Variants in CACNG6 observed in about 807,000 individuals in gnomAD.
CACNG6 encodes the protein voltage-dependent calcium channel gamma-6 subunit.
In CACNG6, 21 loss-of-function variants were observed where a neutral mutation model predicts 23.9. The observed-to-expected ratio is 0.88, with a 90% CI of 0.62 to 1.26. CACNG6 has a LOEUF of 1.26. Ranked by LOEUF, CACNG6 falls within the 50% of genes most tolerant of loss-of-function variation. The pLI, the probability that CACNG6 is intolerant of heterozygous loss-of-function variation, is 0.00. For synonymous variants in CACNG6, 182 were observed against 168.9 expected (o/e 1.08, Z -0.60); for missense variants, 340 against 352.9 (o/e 0.96, Z 0.29).
In CACNG6 at chr19:54,012,257, CT is replaced by C. The variant is rs2069726942; in HGVS notation, c.*73del. 1.0e-5 allele frequency: 7 copies of C among 689,862 alleles called. No homozygotes were observed. Among genetic ancestry groups the C allele is most frequent in the Non-Finnish European group, 1.3e-5 (6 of 451,628 alleles). 42.7% of individuals were successfully genotyped at this position (689,862 alleles called of 1,614,324 possible). A position where few individuals can be genotyped will look rare whatever the true frequency, so the allele number is the denominator to read the frequency against. ...ACCTTCTCCATTGTACCCCCAAGAT[CT>C]TTTTGCCCCATCTCCTAGAGAAACT... is the stretch of plus-strand genomic sequence containing the variant. On this transcript the variant is annotated 3_prime_UTR_variant, in exon 4 of 4. Coordinates refer to ENST00000252729, the MANE Select transcript of CACNG6 (RefSeq NM_145814.2).
At chr19:53,998,768 C>A (rs1303594908) in intron 2 of CACNG6, among the ~76,000 whole-genome samples, 1 of 152,086 alleles carries the variant, frequency 6.6e-6, no homozygotes, top group Non-Finnish European at 1.5e-5. Context: ...TCCTCAGCCT[C>A]CCAAAGTGCT....
At chr19:53,998,042 G>C (rs1050690417) in intron 1 of CACNG6, among the ~76,000 whole-genome samples, 197 bp from the exon 2 acceptor site, 1 of 152,110 alleles carries the variant, frequency 6.6e-6, no homozygotes, top group African/African-American at 2.4e-5. Context: ...TCAGAGCCCC[G>C]GGTAGGAGTC....
chr19:54,008,692 G>A (rs1433739593), intron 3 of CACNG6, among the ~76,000 whole-genome samples: 10 of 152,206 alleles, frequency 6.6e-5, no homozygotes, highest in African/African-American at 1.2e-4. Context: ...CCGTTGCTTC[G>A]TTTTGAGCAT....
chr19:54,003,147 T>A (rs77370408), intron 3 of CACNG6, among the ~76,000 whole-genome samples: 3,766 of 152,202 alleles, frequency 0.025, 81 homozygotes, highest in East Asian at 0.096. Context: ...CTTTGAAACA[T>A]GTACTTCATA....
At chr19:54,004,682 A>T (rs1187655645) in intron 3 of CACNG6, among the ~76,000 whole-genome samples, 1 of 151,994 alleles carries the variant, frequency 6.6e-6, no homozygotes, top group Non-Finnish European at 1.5e-5. Context: ...TGCTCCGGCC[A>T]CGCCAGCCTC....
rs766617187 is a variant in CACNG6 at position 54,012,098 on chromosome 19, T to C, written c.692T>C (p.Leu231Pro). 6.3e-7 allele frequency: 1 copy of C among 1,578,428 alleles called. No individual in the cohort carries two copies. Among genetic ancestry groups the C allele is most frequent in the South Asian group, 1.2e-5 (1 of 86,816 alleles). The stretch of plus-strand genomic sequence containing the variant: ...TGCGGCGTGGGGGCCGGCCTGATCC[T>C]GCTGTTGGGGGCCGGCTGCTTTCTG... ...LGCGVGAGLI[L>P]LLGAGCFLLL... Residue 231 changes from leucine to proline, a missense_variant, in exon 4 of 4, where the codon CTG becomes CCG. Transcript: ENST00000252729.
chr19:54,011,233 C>CAG (rs1568820365), intron 3 of CACNG6, among the ~76,000 whole-genome samples: 1 of 132,286 alleles, frequency 7.6e-6, no homozygotes, highest in African/African-American at 3.1e-5. Context: ...TATATACACA[C>CAG]ACACACACAC....
In CACNG6 at chr19:53,993,178, G is replaced by A; in HGVS notation, c.301G>A (p.Asp101Asn). 1 of 1,543,192 alleles carries A rather than the reference G, an allele frequency of 6.5e-7. No homozygotes were observed. The highest frequency in any genetic ancestry group is 8.7e-7 in the Non-Finnish European group (1 of 1,145,982). Residue 101 changes from aspartate to asparagine, a missense_variant, in exon 1 of 4, where the codon GAC (aspartate) becomes AAC (asparagine). Asp to Asn is a conservative substitution (Grantham distance 23). Coordinates refer to ENST00000252729, the MANE Select transcript of CACNG6 (RefSeq NM_145814.2). The stretch of plus-strand genomic sequence containing the variant: ...GCAGGCGGACGTGCCCGTGGACAGG[G>A]ACACCTGCGGCCCCGCGGAGCTGCC... ...LWQADVPVDRDTCGPAELPGE... is the reference protein window; with the variant it reads ...LWQADVPVDRNTCGPAELPGE...
At chr19:53,998,511 C>CTT (rs35492861) in intron 2 of CACNG6, among the ~76,000 whole-genome samples, 198 bp downstream of exon 2, 2,330 of 115,392 alleles carry the variant, frequency 0.02, 144 homozygotes, top group African/African-American at 0.075. Flanking sequence ...CTAGAGAACT[C>CTT]TTTTTTTTTT....
intron 2 of CACNG6, among the ~76,000 whole-genome samples, chr19:53,998,791 G>A (rs1347727238): frequency 3.3e-5 from 5 of 152,076 alleles, no homozygotes; most frequent in Non-Finnish European, 7.4e-5. Flanking sequence ...GATGACAGGC[G>A]TGAGCCACTG....
At chr19:54,010,424 G>T (rs537690699) in intron 3 of CACNG6, among the ~76,000 whole-genome samples, 1 of 152,036 alleles carries the variant, frequency 6.6e-6, no homozygotes, top group South Asian at 2.1e-4. Flanking sequence ...TGCTGGGATT[G>T]TAGGTGTGCC....
chr19:54,005,210 AAAATAAATAAATAAATAAAT>A (rs369829612), intron 3 of CACNG6, among the ~76,000 whole-genome samples: 1 of 132,810 alleles, frequency 7.5e-6, no homozygotes, highest in Non-Finnish European at 1.6e-5. Context: ...CTCCATCTCA[AAAATAAATAAATAAATAAAT>A]AAATAAATAA....
intron 3 of CACNG6, among the ~76,000 whole-genome samples, chr19:54,006,522 CTTTTTTTT>C (rs766609552): frequency 8.8e-5 from 3 of 34,172 alleles, no homozygotes; most frequent in Admixed American, 7.2e-4. Flanking sequence ...TCTTTCTTTT[CTTTTTTTT>C]TTTTTTTTTT....
At chr19:54,011,487 A>G (rs910848729) in intron 3 of CACNG6, among the ~76,000 whole-genome samples, 2 of 150,550 alleles carry the variant, frequency 1.3e-5, no homozygotes, top group African/African-American at 4.9e-5. Context: ...CTAAGGAACC[A>G]TATTCACCCT....
Position 53,992,812 on chromosome 19 carries a change from C to G in CACNG6, c.-66C>G. ...CTTCAAGACCCCAGGCCGCTCCTCGCTCCCGCCCCTCGAGGCCCTTCGCCG... is the reference window on the plus strand; with the variant it reads ...CTTCAAGACCCCAGGCCGCTCCTCGGTCCCGCCCCTCGAGGCCCTTCGCCG... On this transcript the variant is annotated 5_prime_UTR_variant, in exon 1 of 4. Coordinates refer to ENST00000252729, the MANE Select transcript of CACNG6 (RefSeq NM_145814.2). The surrounding 1 kb of genome is among the most constrained non-coding windows in gnomAD (Gnocchi z 4.1). The G allele has an allele frequency of 1.7e-6, 2 of 1,187,010 alleles. No individual in the cohort carries two copies. Among genetic ancestry groups the G allele is most frequent in the Non-Finnish European group, 2.2e-6 (2 of 901,276 alleles). 73.5% of individuals were successfully genotyped at this position (1,187,010 alleles called of 1,614,324 possible). A position where few individuals can be genotyped will look rare whatever the true frequency, so the allele number is the denominator to read the frequency against.
intron 3 of CACNG6, among the ~76,000 whole-genome samples, chr19:54,011,653 TC>T (rs1364816107): frequency 6.6e-6 from 1 of 151,780 alleles, no homozygotes; most frequent in African/African-American, 2.4e-5. Flanking sequence ...ATTTGCGTCT[TC>T]CCCAGCTGAA....
Position 53,992,824 on chromosome 19 carries a change from G to T in CACNG6, c.-54G>T. ...AGGCCGCTCCTCGCTCCCGCCCCTC[G>T]AGGCCCTTCGCCGGCTCTGCCTCCT... On this transcript the variant is annotated 5_prime_UTR_variant, in exon 1 of 4. Coordinates refer to ENST00000252729, the MANE Select transcript of CACNG6 (RefSeq NM_145814.2). This position sits in a 1 kb window ranked among gnomAD's most constrained non-coding sequence, Gnocchi z 4.1. 7.8e-7 allele frequency: 1 copy of T among 1,274,082 alleles called. No individual in the cohort carries two copies. 78.9% of individuals were successfully genotyped at this position (1,274,082 alleles called of 1,614,324 possible). A position where few individuals can be genotyped will look rare whatever the true frequency, so the allele number is the denominator to read the frequency against.
Position 54,012,234 on chromosome 19 carries a change from C to G in CACNG6, c.*45C>G. On this transcript the variant is annotated 3_prime_UTR_variant, in exon 4 of 4. Transcript: ENST00000252729. The stretch of plus-strand genomic sequence containing the variant: ...CTAAGCAACCACCGAGCCCTTTGAC[C>G]TTCTCCATTGTACCCCCAAGATCTT... 1.2e-6 allele frequency: 1 copy of G among 867,174 alleles called. No homozygotes were observed. Among genetic ancestry groups the G allele is most frequent in the Non-Finnish European group, 1.7e-6 (1 of 598,176 alleles). 53.7% of individuals were successfully genotyped at this position (867,174 alleles called of 1,614,324 possible).
In CACNG6 at chr19:53,998,243, A is replaced by G. The variant is rs768502129; in HGVS notation, c.336A>G (p.Ala112=). 4 of 1,614,000 alleles carry G rather than the reference A, an allele frequency of 2.5e-6. No individual in the cohort carries two copies. Among genetic ancestry groups the G allele is most frequent in the Non-Finnish European group, 3.4e-6 (4 of 1,179,888 alleles). ...TTCTCTCTCCTGCTCCCACAGAAGCAAACTGCACCTATTTTAAATTCTTCA... is the reference window on the plus strand; with the variant it reads ...TTCTCTCTCCTGCTCCCACAGAAGCGAACTGCACCTATTTTAAATTCTTCA... The part of the protein sequence containing the change: ...TCGPAELPGE[A]NCTYFKFFTT... Residue 112 remains alanine, a synonymous_variant, in exon 2 of 4, where the codon GCA becomes GCG. Coordinates refer to ENST00000252729, the MANE Select transcript of CACNG6 (RefSeq NM_145814.2).
Sources: gnomAD v4.1 joint callset for allele counts (sites outside exome capture counted in the v4.1 genomes callset) on GRCh38, gnomAD v4.1.1 for gene constraint, Gnocchi (gnomAD v3.1) non-coding constraint, MANE v1.5 for transcripts, NCBI Gene and HGNC (gene_info 2026-07-23, HGNC 2026-07-21) for gene names.